Variants in MYOF observed in about 807,000 individuals in gnomAD.
MYOF encodes the protein myoferlin, also known as fer-1-like 3, myoferlin.
Under a neutral mutation model 284.2 loss-of-function variants are expected in MYOF, and 244 were observed. That is an observed-to-expected ratio of 0.86 (90% CI 0.77 to 0.95). The LOEUF (loss-of-function observed/expected upper bound fraction) is 0.95, where lower values mean the gene tolerates loss of function less well. MYOF is among the 40% of genes least tolerant of loss of function. The pLI is 0.00. For synonymous variants in MYOF, 904 were observed against 919.7 expected (o/e 0.98, Z 0.31); for missense variants, 2,496 against 2,560.6 (o/e 0.97, Z 0.54).
intron 53 of MYOF, among the ~76,000 whole-genome samples, 195 bp from the exon 54 acceptor site, chr10:93,307,196 G>T (rs7894941): frequency 5.6e-5 from 6 of 107,110 alleles, no homozygotes; most frequent in East Asian, 2.0e-4. Context: ...GCACCCCCCC[G>T]CCAAGTTGTT....
chr10:93,388,976 A>G, intron 18 of MYOF, 54 bp downstream of exon 18: 1 of 1,578,532 alleles, frequency 6.3e-7, no homozygotes, highest in Admixed American at 1.9e-5. Flanking sequence ...TTATAAGAAG[A>G]AATAATCACC....
intron 7 of MYOF, among the ~76,000 whole-genome samples, chr10:93,405,574 G>A (rs113267984): frequency 3.7e-4 from 56 of 152,230 alleles, no homozygotes; most frequent in African/African-American, 1.2e-3. Context: ...GATTACAGGC[G>A]TGAGCCACCA....
chr10:93,322,035 T>C (rs1440320525), intron 48 of MYOF, among the ~76,000 whole-genome samples: 1 of 152,050 alleles, frequency 6.6e-6, no homozygotes. Context: ...GATAGTCAAA[T>C]AAATTTGCAT....
At chr10:93,464,682 A>G (rs777878853) in intron 1 of MYOF, among the ~76,000 whole-genome samples, 5 of 152,158 alleles carry the variant, frequency 3.3e-5, no homozygotes, top group African/African-American at 4.8e-5. Flanking sequence ...GTTTTCCCCC[A>G]GACTTATGGT....
chr10:93,341,531 C>G (rs981773599), intron 38 of MYOF, among the ~76,000 whole-genome samples: 1 of 152,222 alleles, frequency 6.6e-6, no homozygotes, highest in African/African-American at 2.4e-5. Context: ...CCTGCCTCAG[C>G]CTCCCAAAGT....
At position 93,402,783 on chromosome 10, in the gene MYOF, C is replaced by A; in HGVS notation, c.874+77G>T. ...AATTCTTTGATCCCCCCCAAATTGT[C>A]TTGATTCTTAGAATCATCTTCAGAG... is the stretch of plus-strand genomic sequence containing the variant. On this transcript the variant is annotated intron_variant, in intron 10 of 53. Coordinates refer to ENST00000359263, the MANE Select transcript of MYOF (RefSeq NM_013451.4). The A allele has an allele frequency of 2.2e-6, 3 of 1,371,132 alleles. No individual in the cohort carries two copies. The East Asian group carries it at 7.0e-5, about 32-fold the overall frequency. The allele number at this position is 1,371,132 out of a possible 1,614,324, so 84.9% of individuals were successfully genotyped here.
chr10:93,353,604 T>C (rs547746921), intron 32 of MYOF, among the ~76,000 whole-genome samples: 6 of 152,320 alleles, frequency 3.9e-5, no homozygotes, highest in South Asian at 2.1e-4. Context: ...GTATCTTCTA[T>C]GTATTACTAG....
chr10:93,372,404 A>G (rs1464902057), intron 24 of MYOF, among the ~76,000 whole-genome samples: 2 of 152,168 alleles, frequency 1.3e-5, no homozygotes, highest in Non-Finnish European at 2.9e-5. Flanking sequence ...CCTGGAGGAG[A>G]AGGCCTGTGG....
chr10:93,319,771 C>G, intron 49 of MYOF, 101 bp downstream of exon 49: 1 of 1,512,142 alleles, frequency 6.6e-7, no homozygotes, highest in African/African-American at 1.4e-5. Flanking sequence ...GAGCCGGACT[C>G]AGTGACCTCC....
chr10:93,356,892 G>C, intron 29 of MYOF, 44 bp from the exon 30 acceptor site: 1 of 1,544,250 alleles, frequency 6.5e-7, no homozygotes. Context: ...TGATGATGAT[G>C]ATATTCCTTA....
intron 3 of MYOF, 64 bp downstream of exon 3, chr10:93,451,986 A>C (rs773511338): frequency 8.5e-7 from 1 of 1,172,860 alleles, no homozygotes; most frequent in Non-Finnish European, 1.2e-6. Context: ...GTGTCTCTTC[A>C]ACAAAATAAA....
In MYOF at chr10:93,348,442, C is replaced by A. The variant is rs1030631426; in HGVS notation, c.4084-660G>T. Among the ~76,000 whole-genome samples the A allele has an allele frequency of 4.6e-5, 7 of 152,172 alleles. No individual in the cohort carries two copies. The South Asian group carries it at 6.2e-4, about 13-fold the overall frequency. ...GGAATCATGAGCTGACCTAGGGGCC[C>A]ATTTGGTATGTGGTTCAGGTGAATT... On this transcript the variant is annotated intron_variant, in intron 36 of 53. Transcript: ENST00000359263.
intron 41 of MYOF, among the ~76,000 whole-genome samples, chr10:93,334,766 G>C (rs1055577736): frequency 1.3e-5 from 2 of 152,122 alleles, no homozygotes; most frequent in African/African-American, 4.8e-5. Context: ...TATGTGCCAG[G>C]TACTAGGGAC....
Position 93,333,353 on chromosome 10 carries a change from C to A in MYOF, c.4720-41G>T, listed in dbSNP as rs745677242. The A allele has an allele frequency of 3.9e-6, 6 of 1,555,364 alleles. No homozygotes were observed. In the South Asian group the frequency reaches 4.5e-5, roughly 12 times the overall value. Reference sequence around the variant, plus strand: ...GACGGGATGTTACATCATTGTAGGGCGCAAGGTGAAGTCAAGTTCAGGGAC... The same window carrying A: ...GACGGGATGTTACATCATTGTAGGGAGCAAGGTGAAGTCAAGTTCAGGGAC... On this transcript the variant is annotated intron_variant, in intron 42 of 53. Coordinates refer to ENST00000359263, the MANE Select transcript of MYOF (RefSeq NM_013451.4).
In MYOF at chr10:93,428,867, C is replaced by T. The variant is rs141218533; in HGVS notation, c.345+2541G>A. The stretch of plus-strand genomic sequence containing the variant: ...AAACCTAGAAGAACACACAGACAAC[C>T]ACCCCCTTGATCTGTGGTTTTCATG... On this transcript the variant is annotated intron_variant, in intron 4 of 53. Transcript: ENST00000359263. Among the ~76,000 whole-genome samples the T allele has an allele frequency of 9.7e-3, 1,470 of 152,276 alleles. 10 individuals are homozygous for T. Among genetic ancestry groups the T allele is most frequent in the South Asian group, 0.018 (87 of 4,816 alleles).
intron 53 of MYOF, among the ~76,000 whole-genome samples, chr10:93,309,154 T>G (rs1301861782): frequency 1.3e-5 from 2 of 152,160 alleles, no homozygotes; most frequent in Non-Finnish European, 2.9e-5. Context: ...GTCCCCTCCT[T>G]GGAGGAACTG....
chr10:93,361,099 G>C (rs1845048682), intron 28 of MYOF, among the ~76,000 whole-genome samples: 1 of 152,156 alleles, frequency 6.6e-6, no homozygotes, highest in African/African-American at 2.4e-5. Context: ...TTTTTCTATG[G>C]ACAGGGTTGT....
At chr10:93,444,681 C>T (rs1024985123) in intron 3 of MYOF, among the ~76,000 whole-genome samples, 2 of 152,240 alleles carry the variant, frequency 1.3e-5, no homozygotes, top group African/African-American at 2.4e-5. Context: ...GAGCATTCCA[C>T]GCAAAGGGAA....
rs1482150383 is a variant in MYOF, at chr10:93,366,571, T to C, written c.2590-16A>G. The C allele has an allele frequency of 3.2e-6, 5 of 1,581,408 alleles. No homozygotes were observed. The highest frequency in any genetic ancestry group is 3.4e-6 in the Non-Finnish European group (4 of 1,167,044). Reference sequence around the variant, plus strand: ...GATTTTCATACTATTAAAAAAGAGATAAAATTGGAGAAACACCATCAGAGA... The same window carrying C: ...GATTTTCATACTATTAAAAAAGAGACAAAATTGGAGAAACACCATCAGAGA... On this transcript the variant is annotated splice_polypyrimidine_tract_variant and intron_variant, in intron 25 of 53. Transcript: ENST00000359263.
Sources: allele counts gnomAD v4.1 joint callset (sites outside exome capture counted in the v4.1 genomes callset), GRCh38; gene constraint gnomAD v4.1.1; transcripts MANE v1.5; gene names NCBI Gene and HGNC (gene_info 2026-07-23, HGNC 2026-07-21).